MACROD2: variants seen among roughly 807,000 people sequenced by gnomAD.
MACROD2 encodes mono-ADP ribosylhydrolase 2, also known as ADP-ribose glycohydrolase MACROD2.
Under a neutral mutation model 70.4 loss-of-function variants are expected in MACROD2, and 36 were observed. That is an observed-to-expected ratio of 0.51 (90% confidence interval 0.39 to 0.68). The LOEUF (loss-of-function observed/expected upper bound fraction) is 0.68. MACROD2 is among the 30% of genes least tolerant of loss of function. The probability of loss-of-function intolerance (pLI) is 0.00; values close to 1 mark genes in which losing one functional copy is unlikely to be tolerated. For synonymous variants in MACROD2, 172 were observed against 178.8 expected (o/e 0.96, Z 0.30); for missense variants, 496 against 538.4 (o/e 0.92, Z 0.78).
intron 5 of MACROD2, among the ~76,000 whole-genome samples, chr20:15,075,688 G>A (rs1436449721): frequency 6.6e-6 from 1 of 152,028 alleles, no homozygotes; most frequent in African/African-American, 2.4e-5. Flanking sequence ...ACTCCTCCTT[G>A]TGTCTTTCTG....
chr20:15,344,530 A>C (rs2078143691), intron 6 of MACROD2, among the ~76,000 whole-genome samples: 1 of 152,154 alleles, frequency 6.6e-6, no homozygotes, highest in African/African-American at 2.4e-5. Context: ...ATTTGATGTG[A>C]GCTCTGAGGC....
At chr20:14,096,463 T>A (rs1034479656) in intron 3 of MACROD2, among the ~76,000 whole-genome samples, 18 of 150,316 alleles carry the variant, frequency 1.2e-4, no homozygotes, top group Admixed American at 2.7e-4. Context: ...TCCTCCCCAG[T>A]TCGAGGGATT....
chr20:15,312,481 G>A (rs1277447469), intron 6 of MACROD2, among the ~76,000 whole-genome samples: 1 of 152,158 alleles, frequency 6.6e-6, no homozygotes, highest in Non-Finnish European at 1.5e-5. Context: ...GAAGCTTTGT[G>A]ATAGGCACAG....
chr20:15,887,209 A>C (rs1054620348), intron 10 of MACROD2, among the ~76,000 whole-genome samples: 1 of 152,084 alleles, frequency 6.6e-6, no homozygotes, highest in African/African-American at 2.4e-5. Context: ...CCCTCCCCGG[A>C]CTGCCCACTA....
chr20:15,738,338 G>T (rs575331026), intron 8 of MACROD2, among the ~76,000 whole-genome samples: 3 of 152,214 alleles, frequency 2.0e-5, no homozygotes, highest in African/African-American at 4.8e-5. Context: ...AAAAAAGAAA[G>T]TGAGACAGAA....
intron 4 of MACROD2, among the ~76,000 whole-genome samples, chr20:14,549,544 T>C (rs1487136220): frequency 6.6e-6 from 1 of 152,194 alleles, no homozygotes; most frequent in African/African-American, 2.4e-5. Flanking sequence ...TGTGATTTCT[T>C]TTAAATCACA....
At chr20:15,597,349 A>C (rs2048759720) in intron 8 of MACROD2, among the ~76,000 whole-genome samples, 1 of 152,234 alleles carries the variant, frequency 6.6e-6, no homozygotes, top group Non-Finnish European at 1.5e-5. Context: ...ACAGTGGTGC[A>C]AAGGGTAGGT....
intron 5 of MACROD2, among the ~76,000 whole-genome samples, chr20:15,171,339 A>C: frequency 1.4e-5 from 2 of 147,166 alleles, no homozygotes; most frequent in Non-Finnish European, 3.0e-5. Context: ...TCCCTATCCA[A>C]ATTTGCCCCT....
At chr20:15,944,261 A>G (rs11907618) in intron 12 of MACROD2, among the ~76,000 whole-genome samples, 5,393 of 152,216 alleles carry the variant, frequency 0.035, 103 homozygotes, top group African/African-American at 0.06. Flanking sequence ...TTCTTATTTT[A>G]AAAGTAATGT....
At chr20:15,559,219 T>A (rs1600589156) in intron 8 of MACROD2, among the ~76,000 whole-genome samples, 3 of 76,324 alleles carry the variant, frequency 3.9e-5, no homozygotes, top group South Asian at 1.0e-3. Context: ...AGAGCGAAAC[T>A]CCGTCTCAAA....
chr20:16,019,585 C>T (rs1388572274), intron 15 of MACROD2, among the ~76,000 whole-genome samples: 1 of 152,164 alleles, frequency 6.6e-6, no homozygotes, highest in Non-Finnish European at 1.5e-5. Flanking sequence ...TATTCAGGAA[C>T]CCAGGATTAT....
intron 6 of MACROD2, among the ~76,000 whole-genome samples, chr20:15,349,747 C>A (rs1413251782): frequency 8.9e-6 from 1 of 112,454 alleles, no homozygotes; most frequent in African/African-American, 3.5e-5. Flanking sequence ...CAGAGAAAAA[C>A]TCAGTCTCAA....
Position 14,578,493 on chromosome 20 carries a change from T to A in MACROD2, c.301+84985T>A, listed in dbSNP as rs550246015. Among the ~76,000 whole-genome samples, 12 of 152,306 alleles carry A rather than the reference T, an allele frequency of 7.9e-5. No individual in the cohort carries two copies. In the South Asian group the frequency reaches 2.3e-3, roughly 29 times the overall value. On this transcript the variant is annotated intron_variant, in intron 4 of 17. Transcript: ENST00000684519. ...TCTTTGTTAAATGTCATTTATTTCTTTAAGAATCCTGTTCAGTCAAATATT... is the reference window on the plus strand; with the variant it reads ...TCTTTGTTAAATGTCATTTATTTCTATAAGAATCCTGTTCAGTCAAATATT...
At chr20:15,096,324 T>C (rs1302580094) in intron 5 of MACROD2, among the ~76,000 whole-genome samples, 3 of 151,996 alleles carry the variant, frequency 2.0e-5, no homozygotes, top group Non-Finnish European at 4.4e-5. Flanking sequence ...TGCATCCCTT[T>C]TTCCGAATGG....
intron 8 of MACROD2, among the ~76,000 whole-genome samples, chr20:15,736,784 T>C (rs1457860171): frequency 2.0e-5 from 3 of 152,200 alleles, no homozygotes; most frequent in African/African-American, 7.2e-5. Flanking sequence ...TAAGTAGCCA[T>C]TGGCTCCACA....
At chr20:15,090,118 A>G (rs1027469135) in intron 5 of MACROD2, among the ~76,000 whole-genome samples, 3 of 152,054 alleles carry the variant, frequency 2.0e-5, no homozygotes, top group Non-Finnish European at 4.4e-5. Flanking sequence ...GATGATATTT[A>G]TGTATAAATT....
intron 8 of MACROD2, among the ~76,000 whole-genome samples, chr20:15,664,834 G>A (rs2049875634): frequency 1.3e-5 from 2 of 152,148 alleles, no homozygotes; most frequent in African/African-American, 4.8e-5. Flanking sequence ...CAAACCCAAA[G>A]TCAGGGTGTG....
At chr20:14,478,830 ATTTTT>A (rs950735721) in intron 3 of MACROD2, among the ~76,000 whole-genome samples, 1 of 151,998 alleles carries the variant, frequency 6.6e-6, no homozygotes, top group South Asian at 2.1e-4. Context: ...ATTTTCCAAG[ATTTTT>A]TGGTCTTATT....
chr20:15,878,203 A>G (rs887599764), intron 9 of MACROD2, among the ~76,000 whole-genome samples: 2 of 152,124 alleles, frequency 1.3e-5, no homozygotes, highest in Non-Finnish European at 2.9e-5. Context: ...TGAAAAGCAT[A>G]ACTGTTCCTC....
Sources: gnomAD v4.1 joint callset for allele counts (sites outside exome capture counted in the v4.1 genomes callset) on GRCh38, gnomAD v4.1.1 for gene constraint, MANE v1.5 for transcripts, NCBI Gene and HGNC (gene_info 2026-07-23, HGNC 2026-07-21) for gene names.